The following MGAT5 variants were observed in gnomAD, a reference collection of about 807,000 sequenced individuals.
MGAT5 encodes the protein alpha-1,6-mannosylglycoprotein 6-beta-N-acetylglucosaminyltransferase, also known as alpha-1,6-mannosylglycoprotein 6-beta-N-acetylglucosaminyltransferase A.
A neutral mutation model predicts 94.3 loss-of-function variants in MGAT5; 30 were observed. The ratio of observed to expected loss-of-function variants is 0.32; its 90% CI spans 0.24 to 0.43. The LOEUF (loss-of-function observed/expected upper bound fraction) is 0.43. Ranked by LOEUF, MGAT5 falls within the 20% of genes least tolerant of loss-of-function variation. The pLI is 1.00. For missense variants in MGAT5, 691 were observed against 905.5 expected (o/e 0.76, Z 3.04); for synonymous variants, 310 against 322.9 (o/e 0.96, Z 0.43).
At chr2:134,177,750 T>C (rs1021803200) in intron 1 of MGAT5, among the ~76,000 whole-genome samples, 1 of 152,176 alleles carries the variant, frequency 6.6e-6, no homozygotes, top group Admixed American at 6.5e-5. Context: ...TAATGGCCAG[T>C]GCTCATGCAG....
At position 134,403,106 on chromosome 2, in the gene MGAT5, G is replaced by A. The variant is rs1683147819; in HGVS notation, c.1499G>A (p.Arg500Gln). ...YVKNHGILSG[R>Q]DLQFLLRETK... The stretch of plus-strand genomic sequence containing the variant: ...AAAAACCATGGTATCCTCAGTGGAC[G>A]GGACCTGCAGTTCCTTCTTCGAGAA... Residue 500 changes from arginine to glutamine, a missense_variant, in exon 11 of 16, where the codon CGG becomes CAG. Around this residue, in one of 4 missense-constraint regions of MGAT5, gnomAD observed 260 missense variants for 347.0 expected, o/e 0.75. Coordinates refer to ENST00000281923, the MANE Select transcript of MGAT5 (RefSeq NM_002410.5). 9 of 1,607,380 alleles carry A rather than the reference G, an allele frequency of 5.6e-6. No individual in the cohort carries two copies. Among genetic ancestry groups the A allele is most frequent in the Non-Finnish European group, 7.6e-6 (9 of 1,178,634 alleles).
chr2:134,189,032 G>C (rs1246078466), intron 1 of MGAT5, among the ~76,000 whole-genome samples: 1 of 152,208 alleles, frequency 6.6e-6, no homozygotes, highest in Non-Finnish European at 1.5e-5. Context: ...CCTGTGTCTT[G>C]TCCCTTGGAA....
chr2:134,130,852 G>A (rs986551395), intron 1 of MGAT5, among the ~76,000 whole-genome samples: 1 of 152,144 alleles, frequency 6.6e-6, no homozygotes, highest in African/African-American at 2.4e-5. Context: ...TGGGGACTTG[G>A]AGAACTTTTG....
intron 1 of MGAT5, among the ~76,000 whole-genome samples, chr2:134,169,549 T>G (rs1183503003): frequency 2.6e-5 from 4 of 152,048 alleles, no homozygotes; most frequent in Admixed American, 6.6e-5. Context: ...CAAGAAGAAA[T>G]TGAGGGAGCC....
chr2:134,182,963 T>C (rs1688819870), intron 1 of MGAT5, among the ~76,000 whole-genome samples: 1 of 152,000 alleles, frequency 6.6e-6, no homozygotes, highest in Non-Finnish European at 1.5e-5. Flanking sequence ...ATTTTGTTTT[T>C]GTATTTTTAG....
chr2:134,240,445 G>A (rs1681917804), intron 1 of MGAT5, among the ~76,000 whole-genome samples: 1 of 151,936 alleles, frequency 6.6e-6, no homozygotes, highest in South Asian at 2.1e-4. Context: ...TAAGACGGAA[G>A]AGTGAAAGCC....
chr2:134,236,626 A>G (rs1179484469), intron 1 of MGAT5, among the ~76,000 whole-genome samples: 1 of 152,196 alleles, frequency 6.6e-6, no homozygotes, highest in Non-Finnish European at 1.5e-5. Flanking sequence ...CTTGGCAGCC[A>G]TGCTGAACTG....
At chr2:134,308,669 T>C (rs936751645) in intron 2 of MGAT5, among the ~76,000 whole-genome samples, 4 of 152,212 alleles carry the variant, frequency 2.6e-5, no homozygotes, top group African/African-American at 9.6e-5. Context: ...GTCAGAACTT[T>C]TCTGGTTTTT....
chr2:134,279,125 C>A (rs1257200), intron 2 of MGAT5, among the ~76,000 whole-genome samples: 79,965 of 152,070 alleles, frequency 0.53, 24,860 homozygotes, highest in Non-Finnish European at 0.69. Flanking sequence ...TCCTCCCTCT[C>A]CTAAACACAA....
intron 4 of MGAT5, among the ~76,000 whole-genome samples, chr2:134,323,749 A>T (rs1297901844): frequency 1.3e-5 from 2 of 152,038 alleles, no homozygotes; most frequent in African/African-American, 2.4e-5. Flanking sequence ...CATAATTTCG[A>T]TACCCTACGC....
Position 134,331,781 on chromosome 2 carries a change from A to G in MGAT5, c.574-4436A>G, listed in dbSNP as rs369582452. On this transcript the variant is annotated intron_variant, in intron 4 of 15. Coordinates refer to ENST00000281923, the MANE Select transcript of MGAT5 (RefSeq NM_002410.5). ...CGCTAGGGCTCTGAGAGCCAAGAGT[A>G]GAAGAGCTATTGAGAATGACTTGAA... is the stretch of plus-strand genomic sequence containing the variant. 1.1e-4 allele frequency among the ~76,000 whole-genome samples: 16 copies of G among 151,748 alleles called. No individual in the cohort carries two copies. The East Asian group carries it at 1.4e-3, about 13-fold the overall frequency.
chr2:134,204,404 C>T (rs1679937381), intron 1 of MGAT5, among the ~76,000 whole-genome samples: 1 of 152,150 alleles, frequency 6.6e-6, no homozygotes, highest in African/African-American at 2.4e-5. Flanking sequence ...CTCAAGTTGA[C>T]TTGAGAGACT....
At chr2:134,360,682 C>A (rs956522793) in intron 9 of MGAT5, among the ~76,000 whole-genome samples, 1 of 152,178 alleles carries the variant, frequency 6.6e-6, no homozygotes, top group Non-Finnish European at 1.5e-5. Flanking sequence ...TGTTCCTCTC[C>A]CCGCTAATCC....
intron 4 of MGAT5, among the ~76,000 whole-genome samples, chr2:134,333,527 A>G (rs1490814904): frequency 6.6e-6 from 1 of 151,922 alleles, no homozygotes; most frequent in Admixed American, 6.6e-5. Flanking sequence ...TGGCACATGT[A>G]TACATATGTA....
chr2:134,240,501 G>A (rs935988269), intron 1 of MGAT5, among the ~76,000 whole-genome samples: 10 of 152,060 alleles, frequency 6.6e-5, no homozygotes, highest in Admixed American at 4.6e-4. Flanking sequence ...AGTTGTAGTC[G>A]GAAGAGTGAT....
chr2:134,374,962 G>A (rs902169331), intron 10 of MGAT5, among the ~76,000 whole-genome samples: 1 of 152,202 alleles, frequency 6.6e-6, no homozygotes, highest in Non-Finnish European at 1.5e-5. Context: ...CACTGCACTG[G>A]ATAAATCGAG....
intron 10 of MGAT5, among the ~76,000 whole-genome samples, chr2:134,368,648 G>A (rs911826927): frequency 2.6e-5 from 4 of 152,144 alleles, no homozygotes; most frequent in Admixed American, 2.6e-4. Context: ...TTTCTAAAAT[G>A]CAAACTGAAT....
At chr2:134,270,360 A>T in intron 1 of MGAT5, 26 bp from the exon 2 acceptor site, 1 of 1,608,892 alleles carries the variant, frequency 6.2e-7, no homozygotes, top group Non-Finnish European at 8.5e-7. Context: ...ATAGAATTTT[A>T]AAATTGTCTG....
intron 1 of MGAT5, among the ~76,000 whole-genome samples, chr2:134,237,528 C>T (rs1171143554): frequency 6.6e-6 from 1 of 151,658 alleles, no homozygotes; most frequent in Admixed American, 6.6e-5. Flanking sequence ...CTACCTGGCT[C>T]ATTTGAAAAT....
Sources: allele counts gnomAD v4.1 joint callset (sites outside exome capture counted in the v4.1 genomes callset), GRCh38; gene constraint gnomAD v4.1.1; regional missense constraint gnomAD v4.1.1; transcripts MANE v1.5; gene names NCBI Gene and HGNC (gene_info 2026-07-23, HGNC 2026-07-21).